EARS2: variants seen among roughly 807,000 people sequenced by gnomAD.
EARS2 encodes glutamyl-tRNA synthetase 2, mitochondrial, also known as nondiscriminating glutamyl-tRNA synthetase EARS2, mitochondrial.
EARS2 carries 50 observed loss-of-function variants against 54.1 expected under a neutral mutation model. The observed-to-expected ratio is 0.92, with a 90% CI of 0.74 to 1.17. EARS2 has a LOEUF of 1.17. Among genes scored for constraint, EARS2 ranks in the 50% most tolerant of loss-of-function variants. EARS2 has a pLI of 0.00. For synonymous variants in EARS2, 298 were observed against 281.0 expected, an observed-to-expected ratio of 1.06 and a Z score of -0.61; for missense variants, 673 against 675.0, an observed-to-expected ratio of 1.00 and a Z score of 0.03.
In EARS2 at chr16:23,552,197, C is replaced by A. The variant is rs774849802; in HGVS notation, c.247G>T (p.Val83Phe). Reference protein sequence around the residue: ...LRLEDTDQTRVVPGAAENIED... With the variant: ...LRLEDTDQTRFVPGAAENIED... ...ATATTCTCCGCTGCCCCAGGCACAA[C>A]GCGAGTCTGATCTGTGTCCTCTAGC... is the stretch of plus-strand genomic sequence containing the variant. The change falls in exon 2 of 9, where the codon GTT becomes TTT. Residue 83 changes from valine to phenylalanine, a missense_variant. Transcript: ENST00000449606. The A allele has an allele frequency of 5.6e-6, 9 of 1,614,054 alleles. No individual in the cohort carries two copies. In the Admixed American group the frequency reaches 6.7e-5, roughly 12 times the overall value.
intron 3 of EARS2, among the ~76,000 whole-genome samples, chr16:23,539,917 A>C (rs951408895): frequency 1.3e-5 from 2 of 152,154 alleles, no homozygotes; most frequent in African/African-American, 4.8e-5. Context: ...TGGGAGGCTG[A>C]GGTGGGTGGA....
chr16:23,553,886 A>G (rs1433617932), intron 1 of EARS2, among the ~76,000 whole-genome samples: 2 of 146,120 alleles, frequency 1.4e-5, no homozygotes, highest in Non-Finnish European at 3.0e-5. Flanking sequence ...ACAGGGCGAG[A>G]CTCCATCTCC....
chr16:23,547,054 T>G (rs1388530076), intron 2 of EARS2, among the ~76,000 whole-genome samples: 1 of 152,242 alleles, frequency 6.6e-6, no homozygotes, highest in Admixed American at 6.5e-5. Context: ...ACATGTTAAC[T>G]TAAACTCTGG....
chr16:23,529,733 T>C lies in EARS2; in HGVS notation c.1221+11A>G, dbSNP rs775232277. 4.3e-6 allele frequency: 7 copies of C among 1,613,908 alleles called. No individual in the cohort carries two copies. Among genetic ancestry groups the C allele is most frequent in the Non-Finnish European group, 5.9e-6 (7 of 1,179,914 alleles). On this transcript the variant is annotated intron_variant, in intron 6 of 8. Coordinates refer to ENST00000449606, the MANE Select transcript of EARS2 (RefSeq NM_001083614.2). ...CCCCTCCCTCAGCTTCCCAGAATCC[T>C]GACACCACACCTGTCTCAGCAGGAG...
At chr16:23,554,176 A>G (rs1248617545) in intron 1 of EARS2, among the ~76,000 whole-genome samples, 1 of 151,716 alleles carries the variant, frequency 6.6e-6, no homozygotes, top group Non-Finnish European at 1.5e-5. Flanking sequence ...TGCCCGGCTA[A>G]TATTTGTTTT....
intron 2 of EARS2, among the ~76,000 whole-genome samples, chr16:23,548,852 C>G (rs536625493): frequency 1.6e-4 from 25 of 152,246 alleles, no homozygotes; most frequent in Non-Finnish European, 3.1e-4. Flanking sequence ...GGTCCTTTTT[C>G]CAAGACCACT....
Position 23,529,574 on chromosome 16 carries a change from C to T in EARS2, c.1280G>A (p.Arg427His), listed in dbSNP as rs749562081. 5.6e-6 allele frequency: 9 copies of T among 1,614,016 alleles called. No individual in the cohort carries two copies. The highest frequency in any genetic ancestry group is 3.3e-5 in the Admixed American group (2 of 59,996). ...CAGCTGTGCTCGACCTACTGCAGGG[C>T]GAGTCCACAGGTAAGAGTATACTGG... ...VSPVYSYLWT[R>H]PAVGRAQLDA... Residue 427 changes from arginine (R) to histidine (H), a missense_variant, in exon 7 of 9, where the codon CGC (arginine) becomes CAC (histidine). By Grantham distance (29) the Arg-to-His change is conservative. This residue lies in a region of EARS2 where 338 missense variants were observed against 361.2 expected (regional missense o/e 0.94). Coordinates refer to ENST00000449606, the MANE Select transcript of EARS2 (RefSeq NM_001083614.2).
At chr16:23,525,896 G>A (rs1363026348) in intron 7 of EARS2, among the ~76,000 whole-genome samples, 2 of 151,160 alleles carry the variant, frequency 1.3e-5, no homozygotes, top group African/African-American at 2.4e-5. Context: ...TACTCAGGAG[G>A]CTGAGGCAGA....
At chr16:23,531,649 T>A (rs535887763) in intron 5 of EARS2, among the ~76,000 whole-genome samples, 1 of 152,174 alleles carries the variant, frequency 6.6e-6, no homozygotes, top group African/African-American at 2.4e-5. Flanking sequence ...ATAGGTCTGA[T>A]GGGAGAAGTA....
chr16:23,554,034 T>C (rs1232318391), intron 1 of EARS2, among the ~76,000 whole-genome samples: 2 of 152,168 alleles, frequency 1.3e-5, no homozygotes, highest in Admixed American at 6.5e-5. Context: ...AAATTTGAGA[T>C]GGGGTCTCAC....
At chr16:23,548,497 C>T (rs1965642635) in intron 2 of EARS2, among the ~76,000 whole-genome samples, 1 of 152,200 alleles carries the variant, frequency 6.6e-6, no homozygotes, top group South Asian at 2.1e-4. Context: ...TCCCTCATGC[C>T]TGGCGTGGTA....
intron 3 of EARS2, among the ~76,000 whole-genome samples, chr16:23,542,957 A>C (rs1175538151): frequency 6.6e-6 from 1 of 151,172 alleles, no homozygotes; most frequent in Non-Finnish European, 1.5e-5. Flanking sequence ...TCTATTAAAA[A>C]CACAAAAATT....
At chr16:23,542,550 G>A (rs1161275892) in intron 3 of EARS2, among the ~76,000 whole-genome samples, 9 of 150,772 alleles carry the variant, frequency 6.0e-5, no homozygotes, top group African/African-American at 1.5e-4. Context: ...TCTTGACCTC[G>A]TGATCCACCC....
Position 23,542,840 on chromosome 16 carries a change from T to C in EARS2, c.485+1674A>G, listed in dbSNP as rs571068108. ...ATCTGAAATGCTCCAATGGTCCAGGTGCAGTGGTTCACGCCTGTAATCCCA... is the reference window on the plus strand; with the variant it reads ...ATCTGAAATGCTCCAATGGTCCAGGCGCAGTGGTTCACGCCTGTAATCCCA... On this transcript the variant is annotated intron_variant, in intron 3 of 8. Transcript: ENST00000449606. 2.7e-4 allele frequency among the ~76,000 whole-genome samples: 41 copies of C among 151,766 alleles called. No homozygotes were observed. The South Asian group carries it at 4.4e-3, about 16-fold the overall frequency.
Position 23,528,279 on chromosome 16 carries a change from CAGG to C in EARS2, c.1352+1220_1352+1222del, listed in dbSNP as rs1195772504. Among the ~76,000 whole-genome samples, 6 of 152,282 alleles carry C rather than the reference CAGG, an allele frequency of 3.9e-5. No individual in the cohort carries two copies. In the East Asian group the frequency reaches 1.2e-3, roughly 29 times the overall value. ...CATGAGTACTGCTATTTACAAAAAT[CAGG>C]AGATGAAATACTGAAGACAAAAAAT... On this transcript the variant is annotated intron_variant, in intron 7 of 8. Coordinates refer to ENST00000449606, the MANE Select transcript of EARS2 (RefSeq NM_001083614.2).
chr16:23,541,219 C>T (rs537414888), intron 3 of EARS2, among the ~76,000 whole-genome samples: 54 of 151,840 alleles, frequency 3.6e-4, no homozygotes, highest in African/African-American at 7.0e-4. Flanking sequence ...CCCAGCTACT[C>T]GGGAGGCTGA....
chr16:23,550,601 C>T (rs1965679340), intron 2 of EARS2, among the ~76,000 whole-genome samples: 1 of 151,992 alleles, frequency 6.6e-6, no homozygotes, highest in Admixed American at 6.6e-5. Context: ...CCACGCCTGG[C>T]TAATTTTTTG....
intron 3 of EARS2, among the ~76,000 whole-genome samples, chr16:23,539,096 GC>G (rs1344100815): frequency 5.4e-5 from 8 of 148,934 alleles, no homozygotes; most frequent in Non-Finnish European, 1.0e-4. Flanking sequence ...TCCTGCCTCA[GC>G]CTCCTAAGTA....
chr16:23,525,413 T>G lies in EARS2; in HGVS notation c.1353-34A>C, dbSNP rs760784628. The G allele has an allele frequency of 1.9e-6, 3 of 1,590,494 alleles. No individual in the cohort carries two copies. In the African/African-American group the frequency reaches 4.0e-5, roughly 21 times the overall value. On this transcript the variant is annotated intron_variant, in intron 7 of 8. Transcript: ENST00000449606. ...AGAGGGCCAGTTTACAGGGCCTGCA[T>G]GGGCCAATGGCAAGTGGGTGGGAGG...
Sources: gnomAD v4.1 joint callset for allele counts (sites outside exome capture counted in the v4.1 genomes callset) on GRCh38, gnomAD v4.1.1 for gene constraint, gnomAD v4.1.1 regional missense constraint, MANE v1.5 for transcripts, NCBI Gene and HGNC (gene_info 2026-07-23, HGNC 2026-07-21) for gene names.